SATB1: variants seen among roughly 807,000 people sequenced by gnomAD.
SATB1 encodes the protein DNA-binding protein SATB1.
In SATB1, 11 loss-of-function variants were observed where a neutral mutation model predicts 86.9. The observed-to-expected ratio is 0.13, with a 90% CI of 0.08 to 0.21. SATB1 has a LOEUF of 0.21. Ranked by LOEUF, SATB1 falls within the 10% of genes least tolerant of loss-of-function variation. The pLI is 1.00. For synonymous variants in SATB1, 357 were observed against 357.2 expected (o/e 1.00, Z 0.01); for missense variants, 551 against 937.6 (o/e 0.59, Z 5.39).
chr3:18,367,290 T>C (rs772316255), intron 9 of SATB1, among the ~76,000 whole-genome samples: 1 of 152,226 alleles, frequency 6.6e-6, no homozygotes, highest in Non-Finnish European at 1.5e-5. Flanking sequence ...CTAGTTCCTT[T>C]CAGCTTAGGC....
intron 9 of SATB1, among the ~76,000 whole-genome samples, chr3:18,361,600 T>C (rs184557061): frequency 3.9e-5 from 6 of 152,316 alleles, no homozygotes; most frequent in East Asian, 1.9e-4. Context: ...TAAATTGGTA[T>C]AGTCTTTCTG....
At chr3:18,399,362 C>T (rs575907078) in intron 5 of SATB1, among the ~76,000 whole-genome samples, 14 of 152,244 alleles carry the variant, frequency 9.2e-5, no homozygotes, top group Non-Finnish European at 1.3e-4. Flanking sequence ...CCTCTGCCTA[C>T]AAGAAGTTTA....
chr3:18,378,360 A>G (rs1236093376), intron 8 of SATB1, 35 bp from the exon 9 acceptor site: 1 of 1,604,464 alleles, frequency 6.2e-7, no homozygotes, highest in South Asian at 1.1e-5. Flanking sequence ...GTCATTTTTC[A>G]TTGGCTGAAT....
intron 5 of SATB1, among the ~76,000 whole-genome samples, chr3:18,405,389 G>A (rs1429553966): frequency 2.0e-5 from 3 of 151,750 alleles, no homozygotes; most frequent in Non-Finnish European, 4.4e-5. Context: ...AGTTCCAGAG[G>A]TCCTAAATAG....
At chr3:18,372,451 C>T (rs531384488) in intron 9 of SATB1, among the ~76,000 whole-genome samples, 43 of 152,206 alleles carry the variant, frequency 2.8e-4, no homozygotes, top group African/African-American at 8.4e-4. Flanking sequence ...AGAAGCAACA[C>T]GATAACCAGA....
chr3:18,353,977 T>G (rs1694506456), intron 9 of SATB1, among the ~76,000 whole-genome samples: 1 of 152,226 alleles, frequency 6.6e-6, no homozygotes, highest in African/African-American at 2.4e-5. Flanking sequence ...TGAAAGACTG[T>G]TAGCTAAATA....
chr3:18,395,059 C>G, intron 6 of SATB1, 143 bp from the exon 7 acceptor site: 1 of 643,660 alleles, frequency 1.6e-6, no homozygotes, highest in Non-Finnish European at 2.6e-6. Flanking sequence ...CAAGTTGCAA[C>G]TTACCAGGCT....
chr3:18,350,846 T>C (rs1008067445), intron 10 of SATB1: 4 of 181,414 alleles, frequency 2.2e-5, no homozygotes, highest in Admixed American at 5.4e-5. Flanking sequence ...TACGTATCTA[T>C]CTATACACAC....
chr3:18,433,273 G>A (rs1218818000), intron 2 of SATB1, among the ~76,000 whole-genome samples: 1 of 152,108 alleles, frequency 6.6e-6, no homozygotes, highest in Non-Finnish European at 1.5e-5. Context: ...AGTACTTTGA[G>A]TGTCACGCTC....
At chr3:18,361,978 T>G (rs1404959736) in intron 9 of SATB1, among the ~76,000 whole-genome samples, 1 of 152,202 alleles carries the variant, frequency 6.6e-6, no homozygotes, top group Non-Finnish European at 1.5e-5. Context: ...TTTTTCCTTA[T>G]GCCTATATCT....
chr3:18,417,779 A>G (rs1450490777), intron 2 of SATB1: 9 of 628,628 alleles, frequency 1.4e-5, no homozygotes, highest in South Asian at 1.1e-4. Context: ...CACGGTACCC[A>G]TAAGTCTTTA....
intron 9 of SATB1, among the ~76,000 whole-genome samples, chr3:18,369,227 C>CT (rs1163341606): frequency 6.6e-6 from 1 of 150,952 alleles, no homozygotes; most frequent in Non-Finnish European, 1.5e-5. Context: ...CTTAGAAATC[C>CT]TTTCAGAATT....
chr3:18,362,242 G>A (rs964374256), intron 9 of SATB1, among the ~76,000 whole-genome samples: 6 of 151,822 alleles, frequency 4.0e-5, no homozygotes, highest in African/African-American at 1.2e-4. Flanking sequence ...CCTGCTATTT[G>A]AGTTACATTT....
chr3:18,417,027 T>G lies in SATB1; in HGVS notation c.263A>C (p.Glu88Ala). Residue 88 changes from glutamate (E) to alanine (A), a missense_variant, in exon 3 of 11, where the codon GAA becomes GCA. By Grantham distance (107) the Glu-to-Ala change is moderately radical. Coordinates refer to ENST00000338745, the MANE Select transcript of SATB1 (RefSeq NM_002971.6). ...TGCATGCTCCTCCTTGCAATCATAT[T>G]CAATGGCGTTTTCATAATGTTCCAC... ...CVVEHYENAI[E>A]YDCKEEHAEF... 1 of 1,613,572 alleles carries G rather than the reference T, an allele frequency of 6.2e-7. No homozygotes were observed. Among genetic ancestry groups the G allele is most frequent in the East Asian group, 2.2e-5 (1 of 44,872 alleles).
intron 5 of SATB1, chr3:18,409,780 C>G (rs189537849): frequency 1.3e-5 from 2 of 152,030 alleles, no homozygotes; most frequent in Admixed American, 6.6e-5. Flanking sequence ...TAATTTTATA[C>G]TGGGAAGGGG....
upstream of SATB1, among the ~76,000 whole-genome samples, chr3:18,443,658 C>T (rs1575195024): frequency 6.6e-6 from 1 of 152,174 alleles, no homozygotes; most frequent in Non-Finnish European, 1.5e-5. This position sits in a 1 kb window ranked among gnomAD's most constrained non-coding sequence, Gnocchi z 4.4. Context: ...CCCGGACCTG[C>T]CACCTGCCTG....
chr3:18,350,264 T>C (rs1694284029), intron 10 of SATB1: 1 of 152,586 alleles, frequency 6.6e-6, no homozygotes. Context: ...TCCAATTTAA[T>C]ACACACACAA....
Position 18,386,729 on chromosome 3 carries a change from T to C in SATB1, c.1207-118A>G, listed in dbSNP as rs1696363791. 3 of 733,334 alleles carry C rather than the reference T, an allele frequency of 4.1e-6. No individual in the cohort carries two copies. In the Admixed American group the frequency reaches 7.2e-5, roughly 18 times the overall value. The allele number at this position is 733,334 out of a possible 1,614,324, so 45.4% of individuals were successfully genotyped here. A position where few individuals can be genotyped will look rare whatever the true frequency, so the allele number is the denominator to read the frequency against. ...AATGAACAGTCAGAGGCATTAATTCTGCATAGGAATATATTAGTTACAACT... is the reference window on the plus strand; with the variant it reads ...AATGAACAGTCAGAGGCATTAATTCCGCATAGGAATATATTAGTTACAACT... On this transcript the variant is annotated intron_variant, in intron 7 of 10. Coordinates refer to ENST00000338745, the MANE Select transcript of SATB1 (RefSeq NM_002971.6). This position sits in a 1 kb window ranked among gnomAD's most constrained non-coding sequence, Gnocchi z 4.5.
chr3:18,354,227 T>C lies in SATB1; in HGVS notation c.1576-2032A>G, dbSNP rs114934332. Among the ~76,000 whole-genome samples the C allele has an allele frequency of 5.2e-3, 797 of 152,342 alleles. 11 individuals are homozygous for C. Among genetic ancestry groups the C allele is most frequent in the African/African-American group, 0.018 (732 of 41,580 alleles). Reference sequence around the variant, plus strand: ...AATATTTGCCATCTGAATTAAGCCATGAAAATATACATTTTCCTACAACTA... The same window carrying C: ...AATATTTGCCATCTGAATTAAGCCACGAAAATATACATTTTCCTACAACTA... On this transcript the variant is annotated intron_variant, in intron 9 of 10. Transcript: ENST00000338745.
Sources: allele counts gnomAD v4.1 joint callset (sites outside exome capture counted in the v4.1 genomes callset), GRCh38; gene constraint gnomAD v4.1.1; non-coding constraint Gnocchi (gnomAD v3.1); transcripts MANE v1.5; gene names NCBI Gene and HGNC (gene_info 2026-07-23, HGNC 2026-07-21).